The following ZNF211 variants were observed in gnomAD, a reference collection of about 807,000 sequenced individuals.
ZNF211 encodes the protein zinc finger protein 211, also known as zinc finger protein C2H2-25.
ZNF211 carries 18 observed loss-of-function variants against 12.1 expected under a neutral mutation model. The ratio of observed to expected loss-of-function variants is 1.48; its 90% CI spans 1.03 to 2.20. The LOEUF (loss-of-function observed/expected upper bound fraction) is 2.20. Ranked by LOEUF, ZNF211 falls within the 30% of genes most tolerant of loss-of-function variation. The probability of loss-of-function intolerance (pLI) is 0.00; values close to 1 mark genes in which losing one functional copy is unlikely to be tolerated. For missense variants in ZNF211, 677 were observed against 703.1 expected, an observed-to-expected ratio of 0.96 and a Z score of 0.42; for synonymous variants, 249 against 246.0, an observed-to-expected ratio of 1.01 and a Z score of -0.11.
At position 57,641,327 on chromosome 19, in the gene ZNF211, G is replaced by A. The variant is rs746787441; in HGVS notation, c.880G>A (p.Glu294Lys). 1 of 1,614,192 alleles carries A rather than the reference G, an allele frequency of 6.2e-7. No individual in the cohort carries two copies. Among genetic ancestry groups the A allele is most frequent in the Non-Finnish European group, 8.5e-7 (1 of 1,180,024 alleles). The change falls in exon 4 of 4, where the codon GAA (glutamate) becomes AAA (lysine). Residue 294 changes from glutamate (E) to lysine (K), a missense_variant. Physicochemically the swap from Glu to Lys is moderately conservative, Grantham distance 56. Coordinates refer to ENST00000240731, the MANE Select transcript of ZNF211 (RefSeq NM_006385.5). ...CATTCAGCACCAGAAAGTCCACAGTGAAGAAAGGCCTTATGAATGCAATGA... is the reference window on the plus strand; with the variant it reads ...CATTCAGCACCAGAAAGTCCACAGTAAAGAAAGGCCTTATGAATGCAATGA... ...NLIQHQKVHS[E>K]ERPYECNECG...
rs1323186909 is a variant in ZNF211 at position 57,643,295 on chromosome 19, C to T, written c.*1114C>T. Among the ~76,000 whole-genome samples, 4 of 151,912 alleles carry T rather than the reference C, an allele frequency of 2.6e-5. No homozygotes were observed. Among genetic ancestry groups the T allele is most frequent in the Non-Finnish European group, 1.5e-5 (1 of 67,994 alleles). On this transcript the variant is annotated 3_prime_UTR_variant, in exon 4 of 4. Transcript: ENST00000240731. The stretch of plus-strand genomic sequence containing the variant: ...TGCAGCAAACTAGATGGAATGTGCT[C>T]CTTGTAATATGTTCTAGTAATTGTG...
intron 3 of ZNF211, among the ~76,000 whole-genome samples, chr19:57,640,351 C>T (rs1283539099): frequency 1.3e-5 from 2 of 152,222 alleles, no homozygotes; most frequent in African/African-American, 2.4e-5. Flanking sequence ...ACACCAGTTA[C>T]TGTTCCAGTG....
intron 2 of ZNF211, chr19:57,634,411 G>A (rs1173682459): frequency 1.9e-6 from 1 of 520,618 alleles, no homozygotes. Flanking sequence ...GATCAGAGGA[G>A]GGAGATTTAT....
rs777180422 is a variant in ZNF211, at chr19:57,634,715, C to T, written c.216C>T (p.Phe72=). 29 of 1,606,380 alleles carry T rather than the reference C, an allele frequency of 1.8e-5. No homozygotes were observed. The highest frequency in any genetic ancestry group is 2.2e-5 in the Non-Finnish European group (26 of 1,175,724). Residue 72 remains phenylalanine (F), a synonymous_variant, in exon 3 of 4, where the codon TTC becomes TTT. Coordinates refer to ENST00000240731, the MANE Select transcript of ZNF211 (RefSeq NM_006385.5). ...ATGAGGCTCAGAAACACCTGTACTTCGATGTGATGCTGGAGAACTTTGCAC... is the reference window on the plus strand; with the variant it reads ...ATGAGGCTCAGAAACACCTGTACTTTGATGTGATGCTGGAGAACTTTGCAC... ...LLDEAQKHLY[F]DVMLENFALT...
chr19:57,639,773 ATTACATTTAACATCCTAAAG>A (rs1982639184), intron 3 of ZNF211: 4 of 923,336 alleles, frequency 4.3e-6, no homozygotes, highest in Non-Finnish European at 6.2e-6. Context: ...TACCATGGGG[ATTACATTTAACATCCTAAAG>A]TTACAACACT....
Position 57,641,303 on chromosome 19 carries a change from A to T in ZNF211, c.856A>T (p.Ile286Phe). The T allele has an allele frequency of 6.2e-7, 1 of 1,614,204 alleles. No homozygotes were observed. Among genetic ancestry groups the T allele is most frequent in the Non-Finnish European group, 8.5e-7 (1 of 1,180,010 alleles). Reference sequence around the variant, plus strand: ...AGCATGTACGCGAAGATGTAACCTCATTCAGCACCAGAAAGTCCACAGTGA... The same window carrying T: ...AGCATGTACGCGAAGATGTAACCTCTTTCAGCACCAGAAAGTCCACAGTGA... ...GKACTRRCNL[I>F]QHQKVHSEER... Residue 286 changes from isoleucine (I) to phenylalanine (F), a missense_variant, in exon 4 of 4, where the codon ATT becomes TTT. Ile to Phe is a conservative substitution (Grantham distance 21). Transcript: ENST00000240731.
chr19:57,634,540 G>A, intron 2 of ZNF211, 89 bp from the exon 3 acceptor site: 1 of 1,417,000 alleles, frequency 7.1e-7, no homozygotes. Context: ...TCTGACTTGG[G>A]GATCTTGGGA....
In ZNF211 at chr19:57,643,344, C is replaced by G. The variant is rs188606223; in HGVS notation, c.*1163C>G. On this transcript the variant is annotated 3_prime_UTR_variant, in exon 4 of 4. Transcript: ENST00000240731. ...TGCAGGATCAGTGTGTACAGACATTCTTAGAATTTCCAGGCATGTGTATTT... is the reference window on the plus strand; with the variant it reads ...TGCAGGATCAGTGTGTACAGACATTGTTAGAATTTCCAGGCATGTGTATTT... Among the ~76,000 whole-genome samples, 79 of 152,118 alleles carry G rather than the reference C, an allele frequency of 5.2e-4. 1 individual carries two copies. Among genetic ancestry groups the G allele is most frequent in the African/African-American group, 1.8e-3 (75 of 41,496 alleles).
chr19:57,640,931 A>G lies in ZNF211; in HGVS notation c.484A>G (p.Asn162Asp), dbSNP rs748047899. 1.2e-6 allele frequency: 2 copies of G among 1,614,200 alleles called. No homozygotes were observed. The highest frequency in any genetic ancestry group is 1.1e-5 in the South Asian group (1 of 91,086). Residue 162 changes from asparagine (N) to aspartate (D), a missense_variant, in exon 4 of 4, where the codon AAT becomes GAT. By Grantham distance (23) the Asn-to-Asp change is conservative. Transcript: ENST00000240731. ...TGGAAAACAATTCTACATCAGTGCA[A>G]ATCTTCAACAGCACCAGAGGCAGCA... ...TCGKQFYISA[N>D]LQQHQRQHIT...
intron 3 of ZNF211, among the ~76,000 whole-genome samples, chr19:57,639,746 T>C (rs1395613550): frequency 6.6e-6 from 1 of 152,084 alleles, no homozygotes; most frequent in Non-Finnish European, 1.5e-5. Flanking sequence ...TTCATGTAGC[T>C]CTTTTTTTAA....
At chr19:57,633,656 G>A in intron 1 of ZNF211, 1 of 1,534,372 alleles carries the variant, frequency 6.5e-7, no homozygotes, top group East Asian at 2.4e-5. Flanking sequence ...AGGAACCTGG[G>A]CTCCACATTG....
At chr19:57,639,967 C>T (rs1982673377) in intron 3 of ZNF211, 15 of 1,521,288 alleles carry the variant, frequency 9.9e-6, no homozygotes, top group Non-Finnish European at 1.2e-5. Flanking sequence ...GGGAAGTGCC[C>T]TCTGTTCTTC....
At position 57,636,972 on chromosome 19, in the gene ZNF211, G is replaced by A. The variant is rs1160709403; in HGVS notation, c.256+2217G>A. The stretch of plus-strand genomic sequence containing the variant: ...TGTTTTATTCTTTTTGATATAAGTG[G>A]AATTGTTTACTTTTCAAATTGTTCA... On this transcript the variant is annotated intron_variant, in intron 3 of 3. Transcript: ENST00000240731. 2.6e-5 allele frequency among the ~76,000 whole-genome samples: 4 copies of A among 152,106 alleles called. No individual in the cohort carries two copies. The East Asian group carries it at 7.7e-4, about 29-fold the overall frequency.
chr19:57,635,087 G>A (rs1435182117), intron 3 of ZNF211: 1 of 518,242 alleles, frequency 1.9e-6, no homozygotes, highest in Non-Finnish European at 2.5e-6. Flanking sequence ...ACTGTGACAT[G>A]AAATGTAGTC....
Position 57,642,510 on chromosome 19 carries a change from A to C in ZNF211, c.*329A>C. The C allele has an allele frequency of 4.4e-6, 1 of 226,454 alleles. No homozygotes were observed. The highest frequency in any genetic ancestry group is 2.3e-5 in the African/African-American group (1 of 44,296). The allele number at this position is 226,454 out of a possible 1,614,324, so 14.0% of individuals were successfully genotyped here. A position where few individuals can be genotyped will look rare whatever the true frequency, so the allele number is the denominator to read the frequency against. On this transcript the variant is annotated 3_prime_UTR_variant, in exon 4 of 4. Transcript: ENST00000240731. ...AGGAAGCAGACCTCTGCTTCTCCCC[A>C]TTTGCTAGAAGAAATCATGAATAGT...
At chr19:57,635,614 A>G (rs1179677974) in intron 3 of ZNF211, among the ~76,000 whole-genome samples, 1 of 152,180 alleles carries the variant, frequency 6.6e-6, no homozygotes, top group African/African-American at 2.4e-5. Flanking sequence ...TGTATGTATT[A>G]CAGTTTGTTT....
intron 3 of ZNF211, among the ~76,000 whole-genome samples, chr19:57,639,449 T>TTG (rs1982593889): frequency 8.6e-6 from 1 of 116,416 alleles, no homozygotes; most frequent in Non-Finnish European, 1.7e-5. Context: ...TAATGGTGTC[T>TTG]CACTCTGTTG....
chr19:57,642,143 A>G lies in ZNF211; in HGVS notation c.1696A>G (p.Ile566Val), dbSNP rs754752621. 1.9e-6 allele frequency: 3 copies of G among 1,613,210 alleles called. No homozygotes were observed. The highest frequency in any genetic ancestry group is 2.7e-5 in the African/African-American group (2 of 74,928). ...GKSFGCKSVL[I>V]QHQRVHIGEK... ...ATCCTTTGGCTGCAAATCTGTCCTC[A>G]TTCAACACCAGAGAGTTCACATTGG... The change falls in exon 4 of 4, where the codon ATT (isoleucine) becomes GTT (valine). Residue 566 changes from isoleucine to valine, a missense_variant. By Grantham distance (29) the Ile-to-Val change is conservative. Coordinates refer to ENST00000240731, the MANE Select transcript of ZNF211 (RefSeq NM_006385.5).
At chr19:57,640,191 T>C (rs1049783763) in intron 3 of ZNF211, 3 of 1,160,706 alleles carry the variant, frequency 2.6e-6, no homozygotes, top group Non-Finnish European at 2.4e-6. Context: ...TTATTTCTAC[T>C]ACTTGTCATT....
Sources: allele counts gnomAD v4.1 joint callset (sites outside exome capture counted in the v4.1 genomes callset), GRCh38; gene constraint gnomAD v4.1.1; transcripts MANE v1.5; gene names NCBI Gene and HGNC (gene_info 2026-07-23, HGNC 2026-07-21).